The following WDR76 variants were observed in gnomAD, a reference collection of about 807,000 sequenced individuals.
The protein encoded by WDR76 is WD repeat domain 76.
In WDR76, 52 loss-of-function variants were observed where a neutral mutation model predicts 70.2. The observed-to-expected ratio is 0.74, with a 90% CI of 0.59 to 0.93. WDR76 has a LOEUF of 0.93. WDR76 is among the 40% of genes least tolerant of loss of function. The pLI, the probability that WDR76 is intolerant of heterozygous loss-of-function variation, is 0.00. For synonymous variants in WDR76, 292 were observed against 271.1 expected (o/e 1.08, Z -0.76); for missense variants, 756 against 760.2 (o/e 0.99, Z 0.07).
At chr15:43,853,897 C>CTT (rs397967755) in intron 9 of WDR76, among the ~76,000 whole-genome samples, 2 of 6,758 alleles carry the variant, frequency 3.0e-4, no homozygotes, top group African/African-American at 5.8e-4. Context: ...CAGAGCGAGA[C>CTT]TGTCTCAAAA....
intron 10 of WDR76, chr15:43,857,485 G>T (rs981924538): frequency 4.1e-6 from 4 of 985,152 alleles, no homozygotes; most frequent in Non-Finnish European, 4.8e-6. Flanking sequence ...TAACTTGTTG[G>T]CCTGTGTTAA....
At chr15:43,855,968 T>TTG (rs1007990416) in intron 9 of WDR76, among the ~76,000 whole-genome samples, 1 of 152,216 alleles carries the variant, frequency 6.6e-6, no homozygotes. Flanking sequence ...TTGAGTATGC[T>TTG]TCCACAAAGT....
intron 5 of WDR76, 151 bp downstream of exon 5, chr15:43,839,879 A>G (rs895402385): frequency 3.8e-6 from 4 of 1,048,008 alleles, no homozygotes; most frequent in Admixed American, 6.4e-5. Context: ...TTTTTTTGAG[A>G]TGGAGTCTCA....
chr15:43,828,274 C>CA lies in WDR76; in HGVS notation c.372dup (p.Pro125ThrfsTer13). The CA allele has an allele frequency of 2.5e-6, 4 of 1,614,206 alleles. No homozygotes were observed. Among genetic ancestry groups the CA allele is most frequent in the Non-Finnish European group, 3.4e-6 (4 of 1,180,044 alleles). Reference sequence around the variant, plus strand: ...TGTTCATACTGAAAGTAACAAGCTACAACCCAAGAGAACGGCAGATGCGAT... The same window carrying CA: ...TGTTCATACTGAAAGTAACAAGCTACAAACCCAAGAGAACGGCAGATGCGAT... On this transcript the variant is annotated frameshift_variant, in exon 2 of 13. Coordinates refer to ENST00000263795, the MANE Select transcript of WDR76 (RefSeq NM_024908.4). LOFTEE classifies it high-confidence loss of function.
intron 8 of WDR76, among the ~76,000 whole-genome samples, chr15:43,849,073 G>A (rs1350158415): frequency 1.3e-5 from 2 of 150,912 alleles, no homozygotes; most frequent in African/African-American, 4.9e-5. Context: ...GACTCAGGAG[G>A]CTGAGACAGG....
intron 9 of WDR76, among the ~76,000 whole-genome samples, chr15:43,854,769 T>C (rs976390456): frequency 6.6e-6 from 1 of 151,792 alleles, no homozygotes; most frequent in African/African-American, 2.4e-5. Context: ...GCCAACATGG[T>C]GAAACCCCAT....
intron 9 of WDR76, 79 bp from the exon 10 acceptor site, chr15:43,856,867 C>A: frequency 1.6e-6 from 2 of 1,271,238 alleles, no homozygotes; most frequent in South Asian, 3.0e-5. Flanking sequence ...GTTTTATAAC[C>A]CTTTTACCAA....
At chr15:43,841,312 C>T (rs896925715) in intron 5 of WDR76, among the ~76,000 whole-genome samples, 1 of 150,060 alleles carries the variant, frequency 6.7e-6, no homozygotes, top group Non-Finnish European at 1.5e-5. Context: ...ATGCCATTCT[C>T]CTGGCTCAGC....
chr15:43,865,180 C>T (rs984581147), intron 12 of WDR76, among the ~76,000 whole-genome samples: 3 of 151,950 alleles, frequency 2.0e-5, no homozygotes, highest in African/African-American at 4.8e-5. Context: ...ACTGTAGCCT[C>T]CATCTCCTGG....
In WDR76 at chr15:43,837,810, A is replaced by G. The variant is rs537390449; in HGVS notation, c.608+1594A>G. ...CGAATACCCCTGAAGGCCCATATAT[A>G]CCCCTCCCTCCCGATACAACCACTA... On this transcript the variant is annotated intron_variant, in intron 4 of 12. Transcript: ENST00000263795. Among the ~76,000 whole-genome samples, 141 of 150,476 alleles carry G rather than the reference A, an allele frequency of 9.4e-4. 3 individuals are homozygous for G. The South Asian group carries it at 0.014, about 15-fold the overall frequency.
In WDR76 at chr15:43,868,174, G is replaced by A. The variant is rs1308014458; in HGVS notation, c.*1782G>A. ...AATTTATAAAGGGAAAGAAAAGCTA[G>A]GTGAGGTTGAGTTATAATTAAACTG... On this transcript the variant is annotated 3_prime_UTR_variant, in exon 13 of 13. Coordinates refer to ENST00000263795, the MANE Select transcript of WDR76 (RefSeq NM_024908.4). 3.9e-5 allele frequency: 6 copies of A among 152,278 alleles called. No individual in the cohort carries two copies. Among genetic ancestry groups the A allele is most frequent in the Non-Finnish European group, 7.4e-5 (5 of 68,010 alleles). 9.4% of individuals were successfully genotyped at this position (152,278 alleles called of 1,614,324 possible). A position where few individuals can be genotyped will look rare whatever the true frequency, so the allele number is the denominator to read the frequency against.
chr15:43,843,983 C>G lies in WDR76; in HGVS notation c.961C>G (p.Leu321Val). Reference sequence around the variant, plus strand: ...CACAGGCCCAATATTCTCTATGGCTCTCCATCCATCAGAAACTAGAACTTT... The same window carrying G: ...CACAGGCCCAATATTCTCTATGGCTGTCCATCCATCAGAAACTAGAACTTT... Reference protein sequence around the residue: ...VTTGPIFSMALHPSETRTLVA... With the variant: ...VTTGPIFSMAVHPSETRTLVA... The change falls in exon 8 of 13, where the codon CTC becomes GTC. Residue 321 changes from leucine to valine, a missense_variant. By Grantham distance (32) the Leu-to-Val change is conservative. Coordinates refer to ENST00000263795, the MANE Select transcript of WDR76 (RefSeq NM_024908.4). The G allele has an allele frequency of 6.2e-7, 1 of 1,613,960 alleles. No individual in the cohort carries two copies. Among genetic ancestry groups the G allele is most frequent in the Admixed American group, 1.7e-5 (1 of 59,998 alleles).
intron 12 of WDR76, among the ~76,000 whole-genome samples, chr15:43,864,839 C>A (rs2088049617): frequency 6.6e-6 from 1 of 152,138 alleles, no homozygotes; most frequent in Non-Finnish European, 1.5e-5. Context: ...GATGATCCAC[C>A]TTCCTCAGCC....
intron 3 of WDR76, among the ~76,000 whole-genome samples, 200 bp downstream of exon 3, chr15:43,835,350 A>G (rs2087642924): frequency 1.5e-5 from 2 of 129,716 alleles, no homozygotes; most frequent in Non-Finnish European, 3.1e-5. Flanking sequence ...TTAGTTGAGC[A>G]TAGTGATGCA....
At chr15:43,863,799 T>TC (rs1191863892) in intron 12 of WDR76, 1 of 152,262 alleles carries the variant, frequency 6.6e-6, no homozygotes, top group Non-Finnish European at 1.5e-5. Flanking sequence ...CCTCAGCCGA[T>TC]CCTCCCACGT....
rs376511867 is a variant in WDR76, at chr15:43,828,461, C to G, written c.462+95C>G. On this transcript the variant is annotated intron_variant, in intron 2 of 12. Transcript: ENST00000263795. The stretch of plus-strand genomic sequence containing the variant: ...TTTTCGAGGATCTCTCTGGTACAAA[C>G]AAGTTATTTCATCATCTAATGTAAG... The G allele has an allele frequency of 8.9e-6, 10 of 1,126,802 alleles. No homozygotes were observed. The East Asian group carries it at 9.9e-5, about 11-fold the overall frequency. 69.8% of individuals were successfully genotyped at this position (1,126,802 alleles called of 1,614,324 possible).
rs1233213477 is a variant in WDR76, at chr15:43,858,787, A to G, written c.1526A>G (p.Asn509Ser). 6 of 1,614,074 alleles carry G rather than the reference A, an allele frequency of 3.7e-6. No homozygotes were observed. Among genetic ancestry groups the G allele is most frequent in the East Asian group, 2.2e-5 (1 of 44,894 alleles). The part of the protein sequence containing the change: ...ASAYFSPLTG[N>S]RVVTTCADCN... ...GCCTATTTTTCACCTCTTACTGGTA[A>G]CAGAGTGGTGACCACATGTGCTGAT... The change falls in exon 11 of 13, where the codon AAC (asparagine) becomes AGC (serine). Residue 509 changes from asparagine to serine, a missense_variant. Physicochemically the swap from Asn to Ser is conservative, Grantham distance 46 (BLOSUM62 1). Transcript: ENST00000263795.
At chr15:43,857,689 A>G (rs2087945132) in intron 10 of WDR76, 2 of 189,814 alleles carry the variant, frequency 1.1e-5, no homozygotes, top group Non-Finnish European at 1.9e-5. Flanking sequence ...GTGTGGTGGC[A>G]TGCACCTGTA....
In WDR76 at chr15:43,861,371, T is replaced by C. The variant is rs1474704920; in HGVS notation, c.1601T>C (p.Leu534Pro). ...AGCTGTATATCTTCTAAGATTCCGC[T>C]CCTCACCACCATCAGGTAGGCTTCT... Reference protein sequence around the residue: ...DSSCISSKIPLLTTIRHNTFT... With the variant: ...DSSCISSKIPPLTTIRHNTFT... The change falls in exon 12 of 13, where the codon CTC (leucine) becomes CCC (proline). Residue 534 changes from leucine (L) to proline (P), a missense_variant. Coordinates refer to ENST00000263795, the MANE Select transcript of WDR76 (RefSeq NM_024908.4). The C allele has an allele frequency of 4.3e-6, 7 of 1,614,044 alleles. No individual in the cohort carries two copies. In the Admixed American group the frequency reaches 8.3e-5, roughly 19 times the overall value.
Sources: allele counts gnomAD v4.1 joint callset (sites outside exome capture counted in the v4.1 genomes callset), GRCh38; gene constraint gnomAD v4.1.1; transcripts MANE v1.5; gene names NCBI Gene and HGNC (gene_info 2026-07-23, HGNC 2026-07-21).